Variants in VTI1A observed in about 807,000 individuals in gnomAD.
VTI1A encodes vesicle transport through interaction with t-SNAREs homolog 1A.
A neutral mutation model predicts 34.9 loss-of-function variants in VTI1A; 22 were observed. The ratio of observed to expected loss-of-function variants is 0.63; its 90% CI spans 0.45 to 0.90. The LOEUF (loss-of-function observed/expected upper bound fraction) is 0.90. Among genes scored for constraint, VTI1A ranks in the 40% least tolerant of loss-of-function variants. The pLI is 0.00. For missense variants in VTI1A, 268 were observed against 275.6 expected (o/e 0.97, Z 0.20); for synonymous variants, 87 against 97.3 (o/e 0.89, Z 0.62).
chr10:112,646,332 A>G (rs1846782088), intron 5 of VTI1A, among the ~76,000 whole-genome samples: 1 of 152,176 alleles, frequency 6.6e-6, no homozygotes, highest in African/African-American at 2.4e-5. Context: ...TTGAAAAGAA[A>G]TGTGAGGCAC....
rs547332843 is a variant in VTI1A, at chr10:112,543,139, C to T, written c.427+4809C>T. On this transcript the variant is annotated intron_variant, in intron 5 of 7. Transcript: ENST00000393077. Reference sequence around the variant, plus strand: ...TGTGAATAGTGCTGCAATGAACATACGTGTGCATGTGTCTTTATAGTAGCA... The same window carrying T: ...TGTGAATAGTGCTGCAATGAACATATGTGTGCATGTGTCTTTATAGTAGCA... 1.1e-3 allele frequency among the ~76,000 whole-genome samples: 166 copies of T among 152,270 alleles called. 1 individual carries two copies. Among genetic ancestry groups the T allele is most frequent in the African/African-American group, 3.6e-3 (150 of 41,554 alleles).
intron 3 of VTI1A, among the ~76,000 whole-genome samples, chr10:112,516,011 C>T (rs1849761403): frequency 6.6e-6 from 1 of 152,038 alleles, no homozygotes; most frequent in Non-Finnish European, 1.5e-5. Context: ...TTCCCCAATA[C>T]AAATTGAGTG....
At chr10:112,612,336 A>G (rs544497003) in intron 5 of VTI1A, among the ~76,000 whole-genome samples, 2 of 152,314 alleles carry the variant, frequency 1.3e-5, no homozygotes, top group East Asian at 1.9e-4. Flanking sequence ...TCATACATAC[A>G]TTTGGATAAC....
chr10:112,714,990 C>G (rs751406346), intron 7 of VTI1A, among the ~76,000 whole-genome samples: 1 of 152,154 alleles, frequency 6.6e-6, no homozygotes, highest in Non-Finnish European at 1.5e-5. Flanking sequence ...CAAAACTTAC[C>G]CATCACATTT....
At position 112,786,083 on chromosome 10, in the gene VTI1A, A is replaced by C. The variant is rs1053738596; in HGVS notation, c.561-29207A>C. On this transcript the variant is annotated intron_variant, in intron 7 of 7. Transcript: ENST00000393077. ...CATCTTAACAATGTTGAATCATCCA[A>C]TTCATGAATGGAATTGTTCCTCATT... 3.9e-5 allele frequency among the ~76,000 whole-genome samples: 6 copies of C among 152,202 alleles called. 1 individual carries two copies. The highest frequency in any genetic ancestry group is 3.9e-4 in the Admixed American group (6 of 15,272).
rs531087783 is a variant in VTI1A, at chr10:112,635,514, G to T, written c.428-32704G>T. 6.4e-4 allele frequency among the ~76,000 whole-genome samples: 97 copies of T among 152,262 alleles called. 3 individuals are homozygous for T. The South Asian group carries it at 0.02, about 31-fold the overall frequency. ...GTTCTAAATGCTGGCTTAAACCTTG[G>T]ATTTTTCTTGGTGAGCATGGCCAGA... is the stretch of plus-strand genomic sequence containing the variant. On this transcript the variant is annotated intron_variant, in intron 5 of 7. Coordinates refer to ENST00000393077, the MANE Select transcript of VTI1A (RefSeq NM_145206.4).
chr10:112,761,331 T>G (rs1341620546), intron 7 of VTI1A, among the ~76,000 whole-genome samples: 1 of 152,158 alleles, frequency 6.6e-6, no homozygotes, highest in Non-Finnish European at 1.5e-5. Context: ...ACTGGTAAGG[T>G]TTGTTTTAAT....
intron 7 of VTI1A, among the ~76,000 whole-genome samples, chr10:112,772,951 G>C (rs1466089330): frequency 6.6e-6 from 1 of 152,196 alleles, no homozygotes; most frequent in Non-Finnish European, 1.5e-5. Flanking sequence ...CTTAGCTTGA[G>C]AAGCTCTAGC....
At chr10:112,843,649 A>G in the VTI1A span, among the ~76,000 whole-genome samples, 3 of 152,350 alleles carry the variant, frequency 2.0e-5, no homozygotes, top group African/African-American at 7.2e-5. Context: ...GAGGGACCTC[A>G]GAATTAGAGC....
intron 5 of VTI1A, among the ~76,000 whole-genome samples, chr10:112,539,606 G>C (rs190981116): frequency 4.3e-4 from 66 of 152,232 alleles, no homozygotes; most frequent in South Asian, 2.5e-3. Flanking sequence ...GGAAGAATGT[G>C]AATAATGGAA....
the VTI1A span, among the ~76,000 whole-genome samples, chr10:112,847,047 T>G: frequency 6.6e-6 from 1 of 152,218 alleles, no homozygotes; most frequent in African/African-American, 2.4e-5. Flanking sequence ...TTTTGGTAAT[T>G]TGTTACAGTG....
intron 3 of VTI1A, among the ~76,000 whole-genome samples, chr10:112,514,625 A>G (rs1163073369): frequency 2.6e-5 from 4 of 151,762 alleles, no homozygotes; most frequent in African/African-American, 9.7e-5. Context: ...TTTGATATAG[A>G]CATTCATTGC....
chr10:112,568,168 A>T lies in VTI1A; in HGVS notation c.427+29838A>T, dbSNP rs1006835134. On this transcript the variant is annotated intron_variant, in intron 5 of 7. Coordinates refer to ENST00000393077, the MANE Select transcript of VTI1A (RefSeq NM_145206.4). ...ATATTCTGGACAGAGAAAAAAAAATAAGTTTGTGGTCTCAGAAGCACCAAA... is the reference window on the plus strand; with the variant it reads ...ATATTCTGGACAGAGAAAAAAAAATTAGTTTGTGGTCTCAGAAGCACCAAA... 1.4e-4 allele frequency among the ~76,000 whole-genome samples: 20 copies of T among 147,122 alleles called. 1 individual carries two copies. The highest frequency in any genetic ancestry group is 4.7e-4 in the African/African-American group (19 of 40,032).
chr10:112,643,151 ATT>A lies in VTI1A; in HGVS notation c.428-25056_428-25055del, dbSNP rs200015635. 1.5e-4 allele frequency among the ~76,000 whole-genome samples: 18 copies of A among 123,484 alleles called. No individual in the cohort carries two copies. The East Asian group carries it at 3.6e-3, about 24-fold the overall frequency. The allele number at this position is 123,484 out of a possible 152,430, so 81.0% of individuals were successfully genotyped here. ...AGGCACCCGCCACCACACCTGGCTA[ATT>A]TTTTTTTTTTCTTTTTTTTTTTTTG... is the stretch of plus-strand genomic sequence containing the variant. On this transcript the variant is annotated intron_variant, in intron 5 of 7. Transcript: ENST00000393077.
At chr10:112,545,995 TGTATACGCGTATGTGTGTGTATATAC>T (rs1564821336) in intron 5 of VTI1A, among the ~76,000 whole-genome samples, 17 of 144,036 alleles carry the variant, frequency 1.2e-4, no homozygotes, top group African/African-American at 4.8e-4. Context: ...TGTATATACG[TGTATACGCGTATGTGTGTGTATATAC>T]GTGTATACGC....
chr10:112,456,053 A>T (rs1372544077), intron 1 of VTI1A, among the ~76,000 whole-genome samples: 1 of 152,030 alleles, frequency 6.6e-6, no homozygotes, highest in Admixed American at 6.5e-5. Context: ...ACAGCTCTCT[A>T]TGCTAAATAC....
intron 5 of VTI1A, among the ~76,000 whole-genome samples, chr10:112,634,691 C>A (rs978988814): frequency 6.6e-6 from 1 of 152,174 alleles, no homozygotes; most frequent in Admixed American, 6.5e-5. Context: ...CTCCATTAGA[C>A]AAGCTGTTTA....
In VTI1A at chr10:112,587,175, T is replaced by C. The variant is rs1181886138; in HGVS notation, c.427+48845T>C. 1.3e-5 allele frequency among the ~76,000 whole-genome samples: 2 copies of C among 152,192 alleles called. 1 individual carries two copies. The highest frequency in any genetic ancestry group is 3.8e-4 in the East Asian group (2 of 5,204). On this transcript the variant is annotated intron_variant, in intron 5 of 7. Transcript: ENST00000393077. The stretch of plus-strand genomic sequence containing the variant: ...ATTAAATAAAATTTGTGGGAAATTA[T>C]GACTTTTCTGCTTGTGCTACTTCCA...
chr10:112,819,482 A>G (rs1313228505), downstream of VTI1A, among the ~76,000 whole-genome samples: 1 of 152,074 alleles, frequency 6.6e-6, no homozygotes, highest in Non-Finnish European at 1.5e-5. Context: ...CGGGAGAGCC[A>G]GTAGAGACAT....
Sources: allele counts gnomAD v4.1 joint callset (sites outside exome capture counted in the v4.1 genomes callset), GRCh38; gene constraint gnomAD v4.1.1; transcripts MANE v1.5; gene names NCBI Gene and HGNC (gene_info 2026-07-23, HGNC 2026-07-21).